BUB1B: variants seen among roughly 807,000 people sequenced by gnomAD.
BUB1B encodes the protein mitotic checkpoint serine/threonine-protein kinase BUB1 beta.
Under a neutral mutation model 137.7 loss-of-function variants are expected in BUB1B, and 86 were observed. That is an observed-to-expected ratio of 0.62 (90% CI 0.52 to 0.75). The LOEUF is 0.75. Among genes scored for constraint, BUB1B ranks in the 30% least tolerant of loss-of-function variants. BUB1B has a pLI of 0.00. For missense variants in BUB1B, 1,130 were observed against 1,236.9 expected (o/e 0.91, Z 1.30); for synonymous variants, 420 against 417.9 (o/e 1.00, Z -0.06).
At chr15:40,214,271 C>T (rs1242562616) in intron 20 of BUB1B, among the ~76,000 whole-genome samples, 4 of 152,128 alleles carry the variant, frequency 2.6e-5, no homozygotes, top group Non-Finnish European at 5.9e-5. Flanking sequence ...CCAGTGTGTC[C>T]ATCAGGTTCA....
chr15:40,220,600 G>A lies in BUB1B; in HGVS notation c.2994G>A (p.Val998=), dbSNP rs771453874. The A allele has an allele frequency of 2.0e-5, 33 of 1,614,046 alleles. No homozygotes were observed. Among genetic ancestry groups the A allele is most frequent in the Middle Eastern group, 1.6e-4 (1 of 6,084 alleles). The change falls in exon 23 of 23, where the codon GTG becomes GTA. Residue 998 remains valine, a synonymous_variant. Coordinates refer to ENST00000287598, the MANE Select transcript of BUB1B (RefSeq NM_001211.6). The part of the protein sequence containing the change: ...KDGELWNKFF[V]RILNANDEAT... ...GTGAATTGTGGAATAAATTCTTTGT[G>A]CGGATTCTGAATGCCAATGATGAGG... is the stretch of plus-strand genomic sequence containing the variant.
At chr15:40,174,010 G>C in intron 4 of BUB1B, 1 of 405,156 alleles carries the variant, frequency 2.5e-6, no homozygotes, top group Non-Finnish European at 4.7e-6. Context: ...GCAATTTAAG[G>C]GTTACCAAAA....
intron 2 of BUB1B, among the ~76,000 whole-genome samples, chr15:40,165,889 A>G (rs547240464): frequency 1.3e-5 from 2 of 148,902 alleles, no homozygotes; most frequent in South Asian, 4.2e-4. Flanking sequence ...GTCTCCCTCT[A>G]TCACCCAGGT....
At chr15:40,207,396 G>T (rs1387765639) in intron 15 of BUB1B, among the ~76,000 whole-genome samples, 1 of 152,052 alleles carries the variant, frequency 6.6e-6, no homozygotes, top group Non-Finnish European at 1.5e-5. Context: ...TTCAGGCCAG[G>T]AGTTGAAGAC....
In BUB1B at chr15:40,218,538, G is replaced by A. The variant is rs1191638586; in HGVS notation, c.2933G>A (p.Trp978Ter). The A allele has an allele frequency of 2.5e-6, 4 of 1,613,606 alleles. No homozygotes were observed. Among genetic ancestry groups the A allele is most frequent in the Non-Finnish European group, 1.7e-6 (2 of 1,179,550 alleles). Residue 978 changes from tryptophan (W) to a stop codon, truncating the protein, a stop_gained, in exon 22 of 23, where the codon TGG becomes TAG. Coordinates refer to ENST00000287598, the MANE Select transcript of BUB1B (RefSeq NM_001211.6). LOFTEE classifies it high-confidence loss of function. ...HLQVFWDGSF[W>*]KLSQNISELK... ...CAGGTCTTCTGGGATGGGTCCTTCT[G>A]GAAACTTAGCCAAAATATTTCTGAG...
chr15:40,211,900 G>A (rs1469321370), intron 18 of BUB1B, among the ~76,000 whole-genome samples: 2 of 151,818 alleles, frequency 1.3e-5, no homozygotes, highest in African/African-American at 2.4e-5. Context: ...TTGGCTCACT[G>A]CAACCTCTGC....
chr15:40,190,049 G>A (rs2037416641), intron 8 of BUB1B, among the ~76,000 whole-genome samples: 1 of 151,998 alleles, frequency 6.6e-6, no homozygotes, highest in Admixed American at 6.6e-5. Context: ...TTTTTCCTTT[G>A]GATTACAGTA....
intron 4 of BUB1B, among the ~76,000 whole-genome samples, chr15:40,173,492 C>A (rs1265316361): frequency 6.6e-6 from 1 of 152,082 alleles, no homozygotes; most frequent in Non-Finnish European, 1.5e-5. Flanking sequence ...TAATCTAGAT[C>A]AGTGCTACTG....
At chr15:40,196,504 T>A (rs1025695582) in intron 8 of BUB1B, 41 bp from the exon 9 acceptor site, 18 of 1,501,540 alleles carry the variant, frequency 1.2e-5, no homozygotes, top group East Asian at 2.3e-5. Flanking sequence ...TGATTTTTTT[T>A]ATTTTGACCC....
At chr15:40,189,760 C>G (rs2037413831) in intron 8 of BUB1B, among the ~76,000 whole-genome samples, 1 of 152,136 alleles carries the variant, frequency 6.6e-6, no homozygotes, top group African/African-American at 2.4e-5. Context: ...GTGATTAACT[C>G]CATGTTTAAT....
chr15:40,185,695 G>T, intron 8 of BUB1B, 53 bp downstream of exon 8: 1 of 1,529,030 alleles, frequency 6.5e-7, no homozygotes. Context: ...GGTGGGCAGA[G>T]GCACCTATTC....
intron 1 of BUB1B, among the ~76,000 whole-genome samples, chr15:40,161,852 A>C (rs2037046367): frequency 6.6e-6 from 1 of 152,180 alleles, no homozygotes; most frequent in Non-Finnish European, 1.5e-5. Context: ...ATGTGTTTTC[A>C]CTGTGGTGCC....
At chr15:40,194,001 G>A (rs1418555595) in intron 8 of BUB1B, among the ~76,000 whole-genome samples, 1 of 151,908 alleles carries the variant, frequency 6.6e-6, no homozygotes, top group Non-Finnish European at 1.5e-5. Flanking sequence ...GGAATTACAG[G>A]CCACTGTGTC....
chr15:40,188,038 T>C (rs2037389891), intron 8 of BUB1B, among the ~76,000 whole-genome samples: 1 of 152,236 alleles, frequency 6.6e-6, no homozygotes, highest in Non-Finnish European at 1.5e-5. Context: ...ATTAATATGG[T>C]ACAGGAAATA....
intron 1 of BUB1B, among the ~76,000 whole-genome samples, chr15:40,162,992 G>A (rs896713769): frequency 5.3e-5 from 8 of 152,120 alleles, no homozygotes; most frequent in Non-Finnish European, 1.2e-4. Flanking sequence ...AATTCATTGC[G>A]GGGCTGCTGT....
chr15:40,183,849 A>G lies in BUB1B; in HGVS notation c.717A>G (p.Arg239=). The part of the protein sequence containing the change: ...ELKSKGKKTA[R]APIIRVGGAL... The stretch of plus-strand genomic sequence containing the variant: ...AGAGCAAAGGGAAAAAGACAGCAAG[A>G]GCTCCAATCATCCGTGTAGGAGGTG... Residue 239 remains arginine (R), a synonymous_variant, in exon 6 of 23, where the codon AGA becomes AGG. Coordinates refer to ENST00000287598, the MANE Select transcript of BUB1B (RefSeq NM_001211.6). 6.2e-7 allele frequency: 1 copy of G among 1,614,136 alleles called. No individual in the cohort carries two copies.
intron 22 of BUB1B, among the ~76,000 whole-genome samples, chr15:40,220,004 A>G (rs1037664885): frequency 2.0e-5 from 3 of 152,200 alleles, no homozygotes; most frequent in Admixed American, 2.0e-4. Context: ...TGGTCCAGGC[A>G]GGTCTGGCTA....
At chr15:40,208,869 C>A in intron 16 of BUB1B, 99 bp downstream of exon 16, 1 of 1,265,308 alleles carries the variant, frequency 7.9e-7, no homozygotes, top group Non-Finnish European at 1.1e-6. Flanking sequence ...GGGTCTCACT[C>A]TGTCACCCAG....
intron 8 of BUB1B, among the ~76,000 whole-genome samples, chr15:40,193,057 C>T (rs1326648204): frequency 6.6e-6 from 1 of 151,970 alleles, no homozygotes; most frequent in South Asian, 2.1e-4. Context: ...ACTGTGTTGC[C>T]CAGCCTGGTC....
Sources: allele counts gnomAD v4.1 joint callset (sites outside exome capture counted in the v4.1 genomes callset), GRCh38; gene constraint gnomAD v4.1.1; transcripts MANE v1.5; gene names NCBI Gene and HGNC (gene_info 2026-07-23, HGNC 2026-07-21).